Variants in KANK1 observed in about 807,000 individuals in gnomAD.
KANK1 encodes KN motif and ankyrin repeat domain-containing protein 1.
In KANK1, 109 loss-of-function variants were observed where a neutral mutation model predicts 106.2. That is an observed-to-expected ratio of 1.03 (90% CI 0.88 to 1.20). The LOEUF is 1.20. Among genes scored for constraint, KANK1 ranks in the 50% most tolerant of loss-of-function variants. The pLI is 0.00. For missense variants in KANK1, 2,399 were observed against 1,710.7 expected (o/e 1.40, Z -7.10); for synonymous variants, 873 against 652.2 (o/e 1.34, Z -5.16).
intron 1 of KANK1, among the ~76,000 whole-genome samples, 157 bp downstream of exon 1, chr9:504,911 C>T (rs998819986): frequency 6.7e-6 from 1 of 149,496 alleles, no homozygotes; most frequent in Non-Finnish European, 1.5e-5. Flanking sequence ...AGGGCAGCCC[C>T]CGCGGGCTCC....
intron 8 of KANK1, among the ~76,000 whole-genome samples, chr9:740,253 T>C (rs1221371096): frequency 6.6e-6 from 1 of 152,160 alleles, no homozygotes; most frequent in African/African-American, 2.4e-5. Flanking sequence ...CGACCATAAA[T>C]TCTGGAGCTG....
intron 1 of KANK1, among the ~76,000 whole-genome samples, chr9:664,965 T>C (rs962578912): frequency 6.6e-6 from 1 of 152,222 alleles, no homozygotes; most frequent in African/African-American, 2.4e-5. Flanking sequence ...TCATTTGTCC[T>C]CTGTTGAGAA....
At chr9:632,909 G>A (rs947326784) in intron 1 of KANK1, among the ~76,000 whole-genome samples, 4 of 152,042 alleles carry the variant, frequency 2.6e-5, no homozygotes, top group African/African-American at 9.7e-5. Flanking sequence ...TGCCAGGCTG[G>A]TCTGGAACTC....
chr9:626,349 G>GT (rs1755554686), intron 1 of KANK1, among the ~76,000 whole-genome samples: 5 of 152,082 alleles, frequency 3.3e-5, no homozygotes, highest in Admixed American at 3.3e-4. Context: ...CAGCTACTCG[G>GT]AAGGCTGAGG....
Position 713,451 on chromosome 9 carries a change from G to T in KANK1, c.2685G>T (p.Leu895=), listed in dbSNP as rs769142289. 7 of 1,590,422 alleles carry T rather than the reference G, an allele frequency of 4.4e-6. No homozygotes were observed. The highest frequency in any genetic ancestry group is 6.0e-6 in the Non-Finnish European group (7 of 1,169,936). Residue 895 remains leucine, a synonymous_variant, in exon 3 of 12, where the codon CTG becomes CTT. Transcript: ENST00000382297. ...LRNPDFQKTS[L]GKITGNYLGY... ...ACCCTGACTTCCAGAAAACCAGTCT[G>T]GGTAAAATCACAGGTAGGTGGTACC...
chr9:692,920 T>C (rs1820324749), intron 2 of KANK1, among the ~76,000 whole-genome samples: 1 of 152,090 alleles, frequency 6.6e-6, no homozygotes, highest in South Asian at 2.1e-4. Flanking sequence ...GAGGATCACA[T>C]GAGCCCAGGA....
rs1459689926 is a variant in KANK1, at chr9:732,492, T to G, written c.3120T>G (p.Asp1040Glu). 6.2e-7 allele frequency: 1 copy of G among 1,613,980 alleles called. No individual in the cohort carries two copies. The highest frequency in any genetic ancestry group is 2.2e-5 in the East Asian group (1 of 44,878). ...TTGAAGAAGAGGAGGAGGAGGAGGA[T>G]GAAGACACTCGGGGAATGGCAGAAG... ...YPLEEEEEEE[D>E]EDTRGMAEGH... Residue 1040 changes from aspartate to glutamate, a missense_variant, in exon 6 of 12, where the codon GAT (aspartate) becomes GAG (glutamate). Asp to Glu is a conservative substitution (Grantham distance 45). Coordinates refer to ENST00000382297, the MANE Select transcript of KANK1 (RefSeq NM_015158.5).
intron 1 of KANK1, among the ~76,000 whole-genome samples, chr9:551,886 A>G (rs2061305106): frequency 6.8e-6 from 1 of 146,572 alleles, no homozygotes; most frequent in African/African-American, 2.5e-5. Flanking sequence ...TGTTTCTACA[A>G]AAAAAAAAAA....
intron 1 of KANK1, among the ~76,000 whole-genome samples, chr9:532,679 T>G (rs189032292): frequency 6.6e-5 from 10 of 152,312 alleles, no homozygotes; most frequent in South Asian, 4.1e-4. Flanking sequence ...AGCATCTTAT[T>G]TGCCCTTTAA....
intron 1 of KANK1, among the ~76,000 whole-genome samples, chr9:601,860 GC>G (rs1192613247): frequency 6.6e-6 from 1 of 151,736 alleles, no homozygotes; most frequent in African/African-American, 2.4e-5. Context: ...TCCCTAAGGA[GC>G]CTGGGTCCTT....
At chr9:744,267 T>C (rs1248873658) in intron 10 of KANK1, among the ~76,000 whole-genome samples, 1 of 152,206 alleles carries the variant, frequency 6.6e-6, no homozygotes, top group Non-Finnish European at 1.5e-5. Context: ...AGTAAGATAA[T>C]CCTCTTAACT....
intron 1 of KANK1, among the ~76,000 whole-genome samples, chr9:563,967 C>A (rs1490477053): frequency 6.6e-6 from 1 of 152,082 alleles, no homozygotes; most frequent in African/African-American, 2.4e-5. Context: ...GCCTGTGAAC[C>A]TCTAGAAGAC....
intron 1 of KANK1, among the ~76,000 whole-genome samples, chr9:655,690 C>T (rs976956287): frequency 6.6e-6 from 1 of 152,150 alleles, no homozygotes; most frequent in Non-Finnish European, 1.5e-5. Context: ...TATCAACACA[C>T]AGTTTTTATA....
At chr9:551,719 G>C (rs140906378) in intron 1 of KANK1, among the ~76,000 whole-genome samples, 37 of 152,212 alleles carry the variant, frequency 2.4e-4, no homozygotes, top group African/African-American at 8.2e-4. Context: ...ACATTAAAAA[G>C]ATACCATCGG....
At chr9:523,268 AC>A (rs1381044733) in intron 1 of KANK1, among the ~76,000 whole-genome samples, 1 of 151,364 alleles carries the variant, frequency 6.6e-6, no homozygotes, top group Non-Finnish European at 1.5e-5. Context: ...TAGTGGTAAA[AC>A]CCCTAAACTT....
chr9:646,613 A>AT (rs1436305238), intron 1 of KANK1, among the ~76,000 whole-genome samples: 1 of 150,456 alleles, frequency 6.6e-6, no homozygotes, highest in African/African-American at 2.5e-5. Context: ...ATATTATTGT[A>AT]TTGTGCTGTG....
intron 1 of KANK1, among the ~76,000 whole-genome samples, chr9:625,330 A>G (rs573380615): frequency 6.6e-6 from 1 of 152,340 alleles, no homozygotes; most frequent in East Asian, 1.9e-4. Context: ...TGAGAATAGG[A>G]AACATTTGAA....
intron 1 of KANK1, among the ~76,000 whole-genome samples, chr9:643,982 C>T (rs1413779366): frequency 3.3e-5 from 5 of 151,020 alleles, no homozygotes; most frequent in South Asian, 2.1e-4. Flanking sequence ...GGATTACAGG[C>T]GTGAGCTGCC....
rs764828819 is a variant in KANK1, at chr9:712,986, G to T, written c.2220G>T (p.Thr740=). ...STKTRSIGVG[T]LLSGHSGFDR... ...AGACGCGGTCCATTGGTGTTGGAAC[G>T]TTGCTTTCTGGCCATTCTGGGTTTG... The change falls in exon 3 of 12, where the codon ACG becomes ACT. Residue 740 remains threonine (T), a synonymous_variant. Coordinates refer to ENST00000382297, the MANE Select transcript of KANK1 (RefSeq NM_015158.5). 3.0e-5 allele frequency: 48 copies of T among 1,614,070 alleles called. No homozygotes were observed. In the South Asian group the frequency reaches 4.8e-4, roughly 16 times the overall value.
Sources: allele counts gnomAD v4.1 joint callset (sites outside exome capture counted in the v4.1 genomes callset), GRCh38; gene constraint gnomAD v4.1.1; transcripts MANE v1.5; gene names NCBI Gene and HGNC (gene_info 2026-07-23, HGNC 2026-07-21).